STK3: variants seen among roughly 807,000 people sequenced by gnomAD.
STK3 encodes serine/threonine kinase 3, also known as serine/threonine-protein kinase 3.
Under a neutral mutation model 58.0 loss-of-function variants are expected in STK3, and 41 were observed. That is an observed-to-expected ratio of 0.71 (90% CI 0.55 to 0.92). The LOEUF is 0.92. Among genes scored for constraint, STK3 ranks in the 40% least tolerant of loss-of-function variants. The pLI is 0.00. For synonymous variants in STK3, 170 were observed against 191.0 expected (o/e 0.89, Z 0.91); for missense variants, 479 against 602.7 (o/e 0.79, Z 2.15).
intron 1 of STK3, among the ~76,000 whole-genome samples, chr8:98,777,190 T>C (rs1831749621): frequency 1.3e-5 from 2 of 152,244 alleles, no homozygotes; most frequent in South Asian, 2.1e-4. Context: ...GTTTTTAACA[T>C]TGATAATGAG....
chr8:98,818,956 G>A (rs1834723437), intron 1 of STK3, among the ~76,000 whole-genome samples: 1 of 152,104 alleles, frequency 6.6e-6, no homozygotes, highest in Admixed American at 6.6e-5. Context: ...AAGTAGCTGG[G>A]ACTACAGATG....
intron 9 of STK3, among the ~76,000 whole-genome samples, chr8:98,527,304 T>C (rs1320811699): frequency 6.6e-6 from 1 of 152,146 alleles, no homozygotes; most frequent in Non-Finnish European, 1.5e-5. Context: ...ATTGCTATTG[T>C]TATTGTACAT....
intron 7 of STK3, 171 bp downstream of exon 7, chr8:98,595,861 G>C (rs888842826): frequency 5.0e-6 from 3 of 602,434 alleles, no homozygotes; most frequent in Admixed American, 7.0e-5. Context: ...AATGACTCTG[G>C]GGGAAATGAG....
At chr8:98,488,545 C>T (rs78341256) in intron 10 of STK3, among the ~76,000 whole-genome samples, 1 of 152,272 alleles carries the variant, frequency 6.6e-6, no homozygotes, top group African/African-American at 2.4e-5. Context: ...TAAGCCAATG[C>T]TAATGTTTAG....
chr8:98,482,775 G>A (rs1821953348), intron 10 of STK3, among the ~76,000 whole-genome samples: 1 of 152,092 alleles, frequency 6.6e-6, no homozygotes, highest in Admixed American at 6.6e-5. Flanking sequence ...CTGGGTAGAA[G>A]TTATGTTATT....
At chr8:98,580,163 C>T (rs755173448) in intron 7 of STK3, among the ~76,000 whole-genome samples, 22 of 152,184 alleles carry the variant, frequency 1.4e-4, no homozygotes, top group Non-Finnish European at 2.5e-4. Flanking sequence ...TACTGAGTTA[C>T]GTAATTTAAT....
At chr8:98,708,947 T>TAA (rs1826178800) in intron 4 of STK3, among the ~76,000 whole-genome samples, 2 of 151,984 alleles carry the variant, frequency 1.3e-5, no homozygotes, top group Non-Finnish European at 2.9e-5. Context: ...TGGGAGCTGG[T>TAA]TGCCGAAAAA....
At chr8:98,389,947 A>C (rs1014876610), upstream of STK3, among the ~76,000 whole-genome samples, 9 of 151,978 alleles carry the variant, frequency 5.9e-5, no homozygotes, top group Non-Finnish European at 1.2e-4. Context: ...ATGTGATTTG[A>C]CATGATCTCA....
At chr8:98,638,638 G>C (rs1465209934) in intron 6 of STK3, 3 of 152,248 alleles carry the variant, frequency 2.0e-5, no homozygotes, top group Non-Finnish European at 2.9e-5. Flanking sequence ...GTTAGCTTGT[G>C]ACCAAGGTGG....
In STK3 at chr8:98,549,755, C is replaced by A. The variant is rs939655931; in HGVS notation, c.949-1594G>T. Among the ~76,000 whole-genome samples, 10 of 150,646 alleles carry A rather than the reference C, an allele frequency of 6.6e-5. No individual in the cohort carries two copies. In the East Asian group the frequency reaches 1.9e-3, roughly 29 times the overall value. ...AAATTAACAAATCCTGTTTGAAAGACCAACTGATAATCACAGTGCTTTGGG... is the reference window on the plus strand; with the variant it reads ...AAATTAACAAATCCTGTTTGAAAGAACAACTGATAATCACAGTGCTTTGGG... On this transcript the variant is annotated intron_variant, in intron 8 of 10. Coordinates refer to ENST00000419617, the MANE Select transcript of STK3 (RefSeq NM_006281.4).
chr8:98,812,443 CTA>C (rs1224096739), intron 1 of STK3, among the ~76,000 whole-genome samples: 1 of 152,158 alleles, frequency 6.6e-6, no homozygotes, highest in African/African-American at 2.4e-5. Flanking sequence ...GTTGGTGGGA[CTA>C]TAAACTAGTT....
intron 6 of STK3, among the ~76,000 whole-genome samples, chr8:98,676,409 G>A (rs1231266489): frequency 6.6e-6 from 1 of 152,160 alleles, no homozygotes; most frequent in Non-Finnish European, 1.5e-5. Context: ...AGGAGTTAGA[G>A]ACCATCCAGC....
At chr8:98,593,334 T>C (rs1468963885) in intron 7 of STK3, among the ~76,000 whole-genome samples, 1 of 152,230 alleles carries the variant, frequency 6.6e-6, no homozygotes, top group Non-Finnish European at 1.5e-5. Context: ...TTTTTAAATA[T>C]TGTTTCTTTG....
intron 8 of STK3, among the ~76,000 whole-genome samples, chr8:98,567,747 C>G (rs1044185752): frequency 6.6e-6 from 1 of 151,928 alleles, no homozygotes; most frequent in African/African-American, 2.4e-5. Flanking sequence ...GATCATATTA[C>G]AAACTCAATA....
At chr8:98,816,260 T>C (rs1255275152) in intron 1 of STK3, among the ~76,000 whole-genome samples, 1 of 152,200 alleles carries the variant, frequency 6.6e-6, no homozygotes, top group Non-Finnish European at 1.5e-5. Context: ...CTCATGCCTA[T>C]AATCCCAACA....
chr8:98,469,379 T>C (rs1457220919), intron 10 of STK3, among the ~76,000 whole-genome samples: 1 of 152,010 alleles, frequency 6.6e-6, no homozygotes, highest in East Asian at 1.9e-4. Context: ...GCAAAATGAG[T>C]GTGTTCCCAA....
intron 1 of STK3, among the ~76,000 whole-genome samples, chr8:98,814,992 T>G (rs1834457638): frequency 6.6e-6 from 1 of 152,252 alleles, no homozygotes; most frequent in South Asian, 2.1e-4. Flanking sequence ...AAATCTGCTC[T>G]TATCAACAGT....
At chr8:98,904,228 C>G (rs1405162075) in intron 1 of STK3, among the ~76,000 whole-genome samples, 1 of 152,194 alleles carries the variant, frequency 6.6e-6, no homozygotes, top group Non-Finnish European at 1.5e-5. Context: ...ACTACATGGT[C>G]ATTTGAAAGA....
chr8:98,344,892 CAAAAAAAAAAA>C, the STK3 span, among the ~76,000 whole-genome samples: 3 of 47,404 alleles, frequency 6.3e-5, no homozygotes, highest in East Asian at 6.8e-4. Flanking sequence ...GACTCCGTCT[CAAAAAAAAAAA>C]AAAAAAAAAA....
Sources: allele counts gnomAD v4.1 joint callset (sites outside exome capture counted in the v4.1 genomes callset), GRCh38; gene constraint gnomAD v4.1.1; transcripts MANE v1.5; gene names NCBI Gene and HGNC (gene_info 2026-07-23, HGNC 2026-07-21).